SLC35F3: variants seen among roughly 807,000 people sequenced by gnomAD.
SLC35F3 encodes the protein putative thiamine transporter SLC35F3.
In SLC35F3, 25 loss-of-function variants were observed where a neutral mutation model predicts 49.9. The ratio of observed to expected loss-of-function variants is 0.50; its 90% CI spans 0.37 to 0.70. SLC35F3 has a LOEUF of 0.70. Ranked by LOEUF, SLC35F3 falls within the 30% of genes least tolerant of loss-of-function variation. SLC35F3 has a pLI of 0.00. For synonymous variants in SLC35F3, 275 were observed against 265.4 expected (o/e 1.04, Z -0.35); for missense variants, 525 against 639.8 (o/e 0.82, Z 1.94).
chr1:234,192,588 A>G (rs1015986313), intron 2 of SLC35F3, among the ~76,000 whole-genome samples: 4 of 152,150 alleles, frequency 2.6e-5, no homozygotes, highest in African/African-American at 9.7e-5. Context: ...TGGAGGCCCT[A>G]GCTAGAGCAA....
chr1:233,941,135 C>T (rs1558184443), intron 2 of SLC35F3, among the ~76,000 whole-genome samples: 1 of 152,204 alleles, frequency 6.6e-6, no homozygotes, highest in Non-Finnish European at 1.5e-5. Context: ...ATGGTTATAA[C>T]TAAGGTGCCG....
intron 2 of SLC35F3, among the ~76,000 whole-genome samples, chr1:234,061,203 CTTTTT>C (rs1369222125): frequency 6.6e-6 from 1 of 151,816 alleles, no homozygotes; most frequent in East Asian, 1.9e-4. Flanking sequence ...CTTTTCTTTT[CTTTTT>C]TGTCATGATT....
intron 2 of SLC35F3, among the ~76,000 whole-genome samples, chr1:234,028,858 G>C (rs1664016087): frequency 6.6e-6 from 1 of 152,172 alleles, no homozygotes; most frequent in African/African-American, 2.4e-5. Flanking sequence ...AGAATCAGGA[G>C]CTTAAGTAGC....
At chr1:233,914,221 A>G (rs1057471878) in intron 2 of SLC35F3, among the ~76,000 whole-genome samples, 3 of 152,170 alleles carry the variant, frequency 2.0e-5, no homozygotes, top group Non-Finnish European at 2.9e-5. Context: ...GATTAACACC[A>G]GAAAGTTGGG....
chr1:234,176,102 A>G (rs951053547), intron 2 of SLC35F3, among the ~76,000 whole-genome samples: 1 of 152,166 alleles, frequency 6.6e-6, no homozygotes, highest in Non-Finnish European at 1.5e-5. Context: ...AGCATGGGAC[A>G]TCCCTTTTTT....
intron 2 of SLC35F3, among the ~76,000 whole-genome samples, chr1:234,196,996 A>G (rs10910378): frequency 0.44 from 66,800 of 152,180 alleles, 17,972 homozygotes; most frequent in Non-Finnish European, 0.61. Context: ...TTAAGGCAGT[A>G]AAAACAGATT....
chr1:234,161,148 G>T (rs184084365), intron 2 of SLC35F3, among the ~76,000 whole-genome samples: 2 of 152,282 alleles, frequency 1.3e-5, no homozygotes, highest in Admixed American at 6.5e-5. Context: ...TACCAGCCTT[G>T]GTTCAGTTAC....
At chr1:233,952,433 C>A (rs1188304752) in intron 2 of SLC35F3, among the ~76,000 whole-genome samples, 1 of 152,088 alleles carries the variant, frequency 6.6e-6, no homozygotes, top group African/African-American at 2.4e-5. Flanking sequence ...CCTTATAACC[C>A]AGGGATTTAT....
At position 234,247,805 on chromosome 1, in the gene SLC35F3, CCATTGTTTCATGGGTCAGTTGGCTGGTG is replaced by C. The variant is rs1176597431; in HGVS notation, c.608+16073_608+16100del. On this transcript the variant is annotated intron_variant, in intron 3 of 7. Coordinates refer to ENST00000366618, the MANE Select transcript of SLC35F3 (RefSeq NM_173508.4). ...TTGTTCAGTGGGTTGGTTGGCTGGT[CCATTGTTTCATGGGTCAGTTGGCTGGTG>C]CATTGTTTGATGGGTCAGTTGGCTG... Among the ~76,000 whole-genome samples, 44 of 27,654 alleles carry C rather than the reference CCATTGTTTCATGGGTCAGTTGGCTGGTG, an allele frequency of 1.6e-3. No homozygotes were observed. In the East Asian group the frequency reaches 0.029, roughly 18 times the overall value. 18.1% of individuals were successfully genotyped at this position (27,654 alleles called of 152,430 possible). A position where few individuals can be genotyped will look rare whatever the true frequency, so the allele number is the denominator to read the frequency against.
intron 2 of SLC35F3, among the ~76,000 whole-genome samples, chr1:234,017,944 T>G (rs560150329): frequency 6.6e-6 from 1 of 151,662 alleles, no homozygotes; most frequent in African/African-American, 2.4e-5. Context: ...AGACAGCATT[T>G]CACCACTCAA....
At chr1:234,245,722 G>A (rs1667621991) in intron 3 of SLC35F3, among the ~76,000 whole-genome samples, 1 of 152,210 alleles carries the variant, frequency 6.6e-6, no homozygotes, top group Admixed American at 6.5e-5. Flanking sequence ...GATGCTGGTT[G>A]TCATGGGCCA....
rs529875209 is a variant in SLC35F3 at position 234,188,081 on chromosome 1, CA to C, written c.284-43330del. On this transcript the variant is annotated intron_variant, in intron 2 of 7. Coordinates refer to ENST00000366618, the MANE Select transcript of SLC35F3 (RefSeq NM_173508.4). ...TGAAACCCCGTCTCTACTAAAAATA[CA>C]AAAAATTAGCTGGGCATGGTGGCAC... 6.4e-3 allele frequency among the ~76,000 whole-genome samples: 981 copies of C among 152,108 alleles called. 8 individuals carry two copies. The highest frequency in any genetic ancestry group is 0.04 in the South Asian group (191 of 4,804).
chr1:234,084,220 GACACAC>G (rs34569981), intron 2 of SLC35F3, among the ~76,000 whole-genome samples: 89 of 148,316 alleles, frequency 6.0e-4, no homozygotes, highest in African/African-American at 1.9e-3. Flanking sequence ...ATAAGGAATA[GACACAC>G]ACACACACAC....
intron 2 of SLC35F3, among the ~76,000 whole-genome samples, chr1:233,996,186 C>T (rs931364592): frequency 1.3e-5 from 2 of 152,076 alleles, no homozygotes; most frequent in African/African-American, 4.8e-5. Flanking sequence ...CTGTACTGAA[C>T]ATGTACAGAC....
intron 2 of SLC35F3, among the ~76,000 whole-genome samples, chr1:234,169,167 T>A (rs1197215560): frequency 6.6e-6 from 1 of 152,186 alleles, no homozygotes; most frequent in African/African-American, 2.4e-5. Context: ...TGCCCTTTTC[T>A]TCTATTCCAG....
chr1:233,956,964 A>G (rs1223128937), intron 2 of SLC35F3, among the ~76,000 whole-genome samples: 1 of 152,254 alleles, frequency 6.6e-6, no homozygotes, highest in East Asian at 1.9e-4. Context: ...GTGACCATGC[A>G]TCATGCAGGA....
At chr1:234,298,594 G>A (rs1668643139) in intron 3 of SLC35F3, among the ~76,000 whole-genome samples, 1 of 152,166 alleles carries the variant, frequency 6.6e-6, no homozygotes, top group Admixed American at 6.5e-5. Context: ...AATCTCCTAA[G>A]TATATTTTAA....
intron 4 of SLC35F3, among the ~76,000 whole-genome samples, chr1:234,316,305 T>C (rs1056226934): frequency 6.6e-6 from 1 of 152,170 alleles, no homozygotes; most frequent in African/African-American, 2.4e-5. Flanking sequence ...ACCACCTCCT[T>C]CTCAGGTCCC....
chr1:234,320,383 G>A lies in SLC35F3; in HGVS notation c.1237+196G>A, dbSNP rs188558064. ...TATTGCTCTGCCTGCTATAGAATGC[G>A]TGTTTAACTGTCTGCCAAAAAAAAA... On this transcript the variant is annotated intron_variant, in intron 7 of 7. Transcript: ENST00000366618. The surrounding 1 kb of genome is among the most constrained non-coding windows in gnomAD (Gnocchi z 4.8). Among the ~76,000 whole-genome samples the A allele has an allele frequency of 1.1e-4, 16 of 151,782 alleles. No individual in the cohort carries two copies. The highest frequency in any genetic ancestry group is 3.9e-4 in the East Asian group (2 of 5,148).
Sources: gnomAD v4.1 joint callset for allele counts (sites outside exome capture counted in the v4.1 genomes callset) on GRCh38, gnomAD v4.1.1 for gene constraint, Gnocchi (gnomAD v3.1) non-coding constraint, MANE v1.5 for transcripts, NCBI Gene and HGNC (gene_info 2026-07-23, HGNC 2026-07-21) for gene names.